DOCK4: variants seen among roughly 807,000 people sequenced by gnomAD.
The protein encoded by DOCK4 is dedicator of cytokinesis protein 4.
In DOCK4, 97 loss-of-function variants were observed where a neutral mutation model predicts 268.1. The observed-to-expected ratio is 0.36, with a 90% confidence interval of 0.31 to 0.43. DOCK4 has a LOEUF of 0.43. Among genes scored for constraint, DOCK4 ranks in the 20% least tolerant of loss-of-function variants. The pLI, the probability that DOCK4 is intolerant of heterozygous loss-of-function variation, is 1.00. For synonymous variants in DOCK4, 954 were observed against 887.2 expected, an observed-to-expected ratio of 1.08 and a Z score of -1.34; for missense variants, 2,145 against 2,455.7, an observed-to-expected ratio of 0.87 and a Z score of 2.67.
chr7:111,904,990 A>T (rs1791440905), intron 13 of DOCK4, among the ~76,000 whole-genome samples: 1 of 152,200 alleles, frequency 6.6e-6, no homozygotes, highest in Admixed American at 6.5e-5. Flanking sequence ...TTTAGACTAA[A>T]ACCAGATTTC....
intron 6 of DOCK4, 24 bp downstream of exon 6, chr7:111,988,991 C>T (rs772281002): frequency 3.8e-6 from 6 of 1,592,508 alleles, no homozygotes; most frequent in Admixed American, 3.6e-5. Flanking sequence ...TACTAGAGGC[C>T]GCCCTGTGAT....
intron 1 of DOCK4, among the ~76,000 whole-genome samples, chr7:112,059,966 A>C (rs1004530405): frequency 1.3e-5 from 2 of 152,222 alleles, no homozygotes; most frequent in African/African-American, 4.8e-5. Flanking sequence ...AAACCTTAGA[A>C]AACACTGGTA....
At chr7:111,784,832 C>A (rs747401191) in intron 32 of DOCK4, among the ~76,000 whole-genome samples, 2 of 152,124 alleles carry the variant, frequency 1.3e-5, no homozygotes, top group African/African-American at 4.8e-5. Flanking sequence ...TGGATACTTC[C>A]CTACCCCTTG....
chr7:112,147,858 G>A (rs996938157), intron 1 of DOCK4, among the ~76,000 whole-genome samples: 1 of 128,400 alleles, frequency 7.8e-6, no homozygotes, highest in Non-Finnish European at 1.6e-5. Context: ...GAGGAGGCTT[G>A]AAAGCTTGAA....
In DOCK4 at chr7:112,206,386, C is replaced by A; in HGVS notation, c.-248G>T. 3.4e-6 allele frequency: 2 copies of A among 586,052 alleles called. No individual in the cohort carries two copies. The highest frequency in any genetic ancestry group is 4.1e-5 in the South Asian group (2 of 48,748). The allele number at this position is 586,052 out of a possible 1,614,324, so 36.3% of individuals were successfully genotyped here. On this transcript the variant is annotated 5_prime_UTR_variant, in exon 1 of 53. An upstream start codon of the reference 5' UTR is lost. Coordinates refer to ENST00000428084, the MANE Select transcript of DOCK4 (RefSeq NM_001363540.2). ...GCTCCCGGGTACCCGGCGGCGCAGT[C>A]ATTGTTCTGATTCACTGAACTAAGC...
chr7:112,006,324 A>G (rs1043456643), intron 1 of DOCK4, among the ~76,000 whole-genome samples: 3 of 152,178 alleles, frequency 2.0e-5, no homozygotes, highest in African/African-American at 7.2e-5. Flanking sequence ...TCACCATTAA[A>G]TGCTCTGGTC....
At chr7:112,122,052 A>T (rs1812778761) in intron 1 of DOCK4, among the ~76,000 whole-genome samples, 1 of 152,120 alleles carries the variant, frequency 6.6e-6, no homozygotes, top group Non-Finnish European at 1.5e-5. Context: ...TTTCCCTTGG[A>T]TTCTGCTTTG....
At chr7:111,819,255 T>C (rs948767265) in intron 27 of DOCK4, 3 of 152,192 alleles carry the variant, frequency 2.0e-5, no homozygotes, top group African/African-American at 7.2e-5. Context: ...TATAAAGCTG[T>C]GACTTTATTT....
chr7:112,151,941 C>A (rs1816132195), intron 1 of DOCK4, among the ~76,000 whole-genome samples: 2 of 147,350 alleles, frequency 1.4e-5, no homozygotes, highest in African/African-American at 2.5e-5. Flanking sequence ...GTATTTTTAA[C>A]TAGAGCACCA....
intron 16 of DOCK4, among the ~76,000 whole-genome samples, chr7:111,887,271 T>C (rs1356446719): frequency 6.6e-6 from 1 of 152,136 alleles, no homozygotes; most frequent in Non-Finnish European, 1.5e-5. Context: ...GTGCAGTGTC[T>C]TTGGGAAGAC....
rs147474292 is a variant in DOCK4, at chr7:112,133,637, T to G, written c.37+72465A>C. On this transcript the variant is annotated intron_variant, in intron 1 of 52. Coordinates refer to ENST00000428084, the MANE Select transcript of DOCK4 (RefSeq NM_001363540.2). ...TTGAGGGCTGAGGCAGGAAGATTGC[T>G]TGAACCTGGGAGGTCAAGGTTACAG... Among the ~76,000 whole-genome samples, 460 of 152,224 alleles carry G rather than the reference T, an allele frequency of 3.0e-3. 2 individuals carry two copies. Among genetic ancestry groups the G allele is most frequent in the African/African-American group, 0.01 (429 of 41,532 alleles).
intron 49 of DOCK4, among the ~76,000 whole-genome samples, chr7:111,738,831 G>A (rs900757602): frequency 6.6e-6 from 1 of 152,086 alleles, no homozygotes; most frequent in East Asian, 1.9e-4. Flanking sequence ...CCAACTACTC[G>A]GGAGGCTGAG....
At chr7:112,093,033 C>T (rs906418119) in intron 1 of DOCK4, among the ~76,000 whole-genome samples, 1 of 152,060 alleles carries the variant, frequency 6.6e-6, no homozygotes, top group Non-Finnish European at 1.5e-5. Context: ...ATATGGGCAT[C>T]ATTATGGAAG....
chr7:112,197,252 C>A (rs780533215), intron 1 of DOCK4, among the ~76,000 whole-genome samples: 1 of 149,682 alleles, frequency 6.7e-6, no homozygotes, highest in Non-Finnish European at 1.5e-5. Flanking sequence ...CATAGTATAA[C>A]TTTAAGAATT....
chr7:112,205,151 G>A (rs1027452926), intron 1 of DOCK4, among the ~76,000 whole-genome samples: 1 of 152,114 alleles, frequency 6.6e-6, no homozygotes, highest in Non-Finnish European at 1.5e-5. Context: ...GGAGGAAAAG[G>A]AAGGGAGACT....
At chr7:111,781,495 G>C (rs1471243690) in intron 35 of DOCK4, among the ~76,000 whole-genome samples, 1 of 152,238 alleles carries the variant, frequency 6.6e-6, no homozygotes. Flanking sequence ...CCCAGTGAGC[G>C]TGGGCTAATG....
intron 12 of DOCK4, among the ~76,000 whole-genome samples, chr7:111,923,808 C>G (rs1163764111): frequency 6.6e-6 from 1 of 152,176 alleles, no homozygotes; most frequent in Non-Finnish European, 1.5e-5. Flanking sequence ...TATTCCATTG[C>G]ATTTACCCCT....
chr7:111,891,803 T>A (rs1467904801), intron 16 of DOCK4, among the ~76,000 whole-genome samples: 3 of 152,250 alleles, frequency 2.0e-5, no homozygotes, highest in Non-Finnish European at 4.4e-5. Flanking sequence ...TCAAATTTTT[T>A]AACTTAAACG....
chr7:111,786,836 T>G (rs1029196634), intron 32 of DOCK4, among the ~76,000 whole-genome samples: 1 of 152,228 alleles, frequency 6.6e-6, no homozygotes, highest in African/African-American at 2.4e-5. Flanking sequence ...TAAAGTAATA[T>G]TTACGCCTTC....
Sources: allele counts gnomAD v4.1 joint callset (sites outside exome capture counted in the v4.1 genomes callset), GRCh38; gene constraint gnomAD v4.1.1; transcripts MANE v1.5; gene names NCBI Gene and HGNC (gene_info 2026-07-23, HGNC 2026-07-21).